Variants in ZFPM1 observed in about 807,000 individuals in gnomAD.
ZFPM1 encodes zinc finger protein, FOG family member 1.
Under a neutral mutation model 46.3 loss-of-function variants are expected in ZFPM1, and 28 were observed. The observed-to-expected ratio is 0.60, with a 90% CI of 0.45 to 0.83. The LOEUF (loss-of-function observed/expected upper bound fraction) is 0.83. Among genes scored for constraint, ZFPM1 ranks in the 40% least tolerant of loss-of-function variants. The pLI is 0.00. For missense variants in ZFPM1, 1,878 were observed against 1,432.4 expected, an observed-to-expected ratio of 1.31 and a Z score of -5.02; for synonymous variants, 957 against 675.9, an observed-to-expected ratio of 1.42 and a Z score of -6.45.
At position 88,494,164 on chromosome 16, in the gene ZFPM1, G is replaced by T. The variant is rs987663995; in HGVS notation, c.268+5011G>T. ...TGTCGGCTGCCCCGGGGCGGCCTGG[G>T]TTATCTCGGATTGGGGGGTGCGGGC... On this transcript the variant is annotated intron_variant, in intron 3 of 9. Coordinates refer to ENST00000319555, the MANE Select transcript of ZFPM1 (RefSeq NM_153813.3). Among the ~76,000 whole-genome samples, 5 of 152,250 alleles carry T rather than the reference G, an allele frequency of 3.3e-5. No homozygotes were observed. In the East Asian group the frequency reaches 7.7e-4, roughly 24 times the overall value.
chr16:88,490,940 C>A (rs1052341325), intron 3 of ZFPM1, among the ~76,000 whole-genome samples: 7 of 152,172 alleles, frequency 4.6e-5, no homozygotes, highest in African/African-American at 1.7e-4. Context: ...TGGCTGCGTC[C>A]CTTCTCCTCA....
chr16:88,525,749 A>C (rs1376483945), intron 4 of ZFPM1, among the ~76,000 whole-genome samples: 2 of 152,198 alleles, frequency 1.3e-5, no homozygotes, highest in African/African-American at 4.8e-5. Context: ...TGGGCACCAC[A>C]GAGCGAGGCC....
chr16:88,529,842 G>A (rs578160877), intron 6 of ZFPM1, among the ~76,000 whole-genome samples: 3 of 152,208 alleles, frequency 2.0e-5, no homozygotes, highest in Non-Finnish European at 2.9e-5. Flanking sequence ...AGAGGGGGAT[G>A]GGCTTGTGTG....
intron 4 of ZFPM1, among the ~76,000 whole-genome samples, chr16:88,521,190 C>G (rs1168051356): frequency 6.6e-6 from 1 of 151,898 alleles, no homozygotes. Flanking sequence ...ATGCCGTTCC[C>G]TCCTCTGTGC....
At chr16:88,464,548 G>GGCCC (rs138693552) in intron 1 of ZFPM1, among the ~76,000 whole-genome samples, 4,660 of 152,328 alleles carry the variant, frequency 0.031, 237 homozygotes, top group African/African-American at 0.11. Context: ...ATTGCTCATA[G>GGCCC]GCCCACACCC....
intron 3 of ZFPM1, among the ~76,000 whole-genome samples, chr16:88,491,521 G>A (rs1331894018): frequency 1.3e-5 from 2 of 152,186 alleles, no homozygotes; most frequent in East Asian, 3.9e-4. Flanking sequence ...GTTTAGGCCT[G>A]GAGTTCATAG....
At chr16:88,489,497 G>T (rs759099411) in intron 3 of ZFPM1, 4 of 267,310 alleles carry the variant, frequency 1.5e-5, no homozygotes, top group African/African-American at 2.2e-5. Context: ...AGGAGGCTGC[G>T]TCTGAGCTGC....
chr16:88,506,890 C>T (rs1037701070), intron 3 of ZFPM1, among the ~76,000 whole-genome samples: 1 of 152,360 alleles, frequency 6.6e-6, no homozygotes, highest in African/African-American at 2.4e-5. Flanking sequence ...TCACCCGCGT[C>T]TCATCCGCCT....
chr16:88,487,761 T>C (rs908899092), intron 2 of ZFPM1, among the ~76,000 whole-genome samples: 1 of 152,126 alleles, frequency 6.6e-6, no homozygotes, highest in East Asian at 1.9e-4. Context: ...GGCCCCTTTT[T>C]CTGGCAGGCA....
chr16:88,533,051 T>TTGCCCCCC, intron 9 of ZFPM1, 97 bp from the exon 10 acceptor site: 1 of 1,351,638 alleles, frequency 7.4e-7, no homozygotes, highest in Non-Finnish European at 1.0e-6. Context: ...TCTAAACCAC[T>TTGCCCCCC]CCCGCCCACC....
intron 3 of ZFPM1, among the ~76,000 whole-genome samples, chr16:88,510,659 G>A (rs965595294): frequency 1.6e-4 from 24 of 152,096 alleles, no homozygotes; most frequent in Admixed American, 4.6e-4. Flanking sequence ...CCTAGGTCCC[G>A]CCCCCTCCTC....
intron 3 of ZFPM1, among the ~76,000 whole-genome samples, chr16:88,490,757 G>A (rs910552891): frequency 2.6e-5 from 4 of 152,196 alleles, no homozygotes; most frequent in African/African-American, 9.7e-5. Flanking sequence ...ACACCTGCAT[G>A]GGCTGTGGGG....
At chr16:88,521,642 G>A (rs561269302) in intron 4 of ZFPM1, among the ~76,000 whole-genome samples, 6 of 47,940 alleles carry the variant, frequency 1.3e-4, no homozygotes, top group Admixed American at 9.7e-4. Context: ...TCCCTCCCCC[G>A]TGCTGTTCCC....
At chr16:88,508,401 G>A (rs1360691651) in intron 3 of ZFPM1, among the ~76,000 whole-genome samples, 1 of 152,244 alleles carries the variant, frequency 6.6e-6, no homozygotes, top group Non-Finnish European at 1.5e-5. Context: ...AGGATCACAT[G>A]TGAAGGAGGC....
At chr16:88,459,307 G>A (rs1366971719) in intron 1 of ZFPM1, among the ~76,000 whole-genome samples, 1 of 152,174 alleles carries the variant, frequency 6.6e-6, no homozygotes, top group African/African-American at 2.4e-5. Context: ...TAAATGACCA[G>A]AGGGACGCTC....
intron 4 of ZFPM1, among the ~76,000 whole-genome samples, chr16:88,517,479 GAT>G (rs1911411685): frequency 5.0e-5 from 4 of 79,524 alleles, no homozygotes; most frequent in South Asian, 9.0e-4. Flanking sequence ...TGGCTGGGTG[GAT>G]GGATGGATGG....
At chr16:88,492,983 AGAGCTGTCCCAGGGTGTGGG>A (rs1310114108) in intron 3 of ZFPM1, among the ~76,000 whole-genome samples, 8 of 151,200 alleles carry the variant, frequency 5.3e-5, no homozygotes, top group African/African-American at 7.3e-5. Context: ...CAGGGAGCAG[AGAGCTGTCCCAGGGTGTGGG>A]GAGCTGTCCC....
intron 1 of ZFPM1, among the ~76,000 whole-genome samples, chr16:88,465,825 G>T (rs1049559233): frequency 2.0e-5 from 3 of 152,256 alleles, no homozygotes; most frequent in Admixed American, 1.3e-4. Context: ...CCGAGATCCG[G>T]CGCTGATGGA....
chr16:88,534,794 C>A lies in ZFPM1; in HGVS notation c.2836C>A (p.Pro946Thr). Residue 946 changes from proline (P) to threonine (T), a missense_variant, in exon 10 of 10, where the codon CCG (proline) becomes ACG (threonine). Transcript: ENST00000319555. ...CGCCGCGCCCGAGGCCGTGCCGCCCCCGCCGGCGCCCCCCTCCTACTCGGA... is the reference window on the plus strand; with the variant it reads ...CGCCGCGCCCGAGGCCGTGCCGCCCACGCCGGCGCCCCCCTCCTACTCGGA... Reference protein sequence around the residue: ...PAAAPEAVPPPPAPPSYSDKG... With the variant: ...PAAAPEAVPPTPAPPSYSDKG... 1 of 1,366,416 alleles carries A rather than the reference C, an allele frequency of 7.3e-7. No individual in the cohort carries two copies. The highest frequency in any genetic ancestry group is 9.5e-7 in the Non-Finnish European group (1 of 1,055,024). The allele number at this position is 1,366,416 out of a possible 1,614,324, so 84.6% of individuals were successfully genotyped here.
Sources: allele counts gnomAD v4.1 joint callset (sites outside exome capture counted in the v4.1 genomes callset), GRCh38; gene constraint gnomAD v4.1.1; transcripts MANE v1.5; gene names NCBI Gene and HGNC (gene_info 2026-07-23, HGNC 2026-07-21).